HSPG2: variants seen among roughly 807,000 people sequenced by gnomAD.
HSPG2 encodes the protein basement membrane-specific heparan sulfate proteoglycan core protein.
HSPG2 carries 278 observed loss-of-function variants against 526.6 expected under a neutral mutation model. The ratio of observed to expected loss-of-function variants is 0.53; its 90% CI spans 0.48 to 0.58. The LOEUF (loss-of-function observed/expected upper bound fraction) is 0.58, where lower values mean the gene tolerates loss of function less well. Ranked by LOEUF, HSPG2 falls within the 20% of genes least tolerant of loss-of-function variation. The pLI, the probability that HSPG2 is intolerant of heterozygous loss-of-function variation, is 0.00. For missense variants in HSPG2, 5,354 were observed against 6,099.5 expected (o/e 0.88, Z 4.07); for synonymous variants, 2,465 against 2,555.4 (o/e 0.96, Z 1.07).
chr1:21,911,249 T>C (rs1001506598), intron 1 of HSPG2, among the ~76,000 whole-genome samples: 1 of 152,090 alleles, frequency 6.6e-6, no homozygotes, highest in African/African-American at 2.4e-5. Flanking sequence ...CTGTGAAGGA[T>C]GGTGGGAAGA....
Position 21,904,969 on chromosome 1 carries a change from G to C in HSPG2, c.64-8659C>G, listed in dbSNP as rs182048940. Among the ~76,000 whole-genome samples, 6 of 152,310 alleles carry C rather than the reference G, an allele frequency of 3.9e-5. No individual in the cohort carries two copies. The highest frequency in any genetic ancestry group is 7.4e-5 in the Non-Finnish European group (5 of 68,022). On this transcript the variant is annotated intron_variant, in intron 1 of 96. Coordinates refer to ENST00000374695, the MANE Select transcript of HSPG2 (RefSeq NM_005529.7). This position sits in a 1 kb window ranked among gnomAD's most constrained non-coding sequence, Gnocchi z 4.4. ...TTTCATGAATGATGCCCCTTGCACA[G>C]TGCCAGGACTATGGAAGGATGGGCG... is the stretch of plus-strand genomic sequence containing the variant.
In HSPG2 at chr1:21,822,533, T is replaced by C. The variant is rs1572119112; in HGVS notation, c.*783A>G. On this transcript the variant is annotated 3_prime_UTR_variant, in exon 97 of 97. Transcript: ENST00000374695. ...TTGGAGGAGTCCCTGGGCCTTCACT[T>C]CCAGATGGGTGGGGATGTGGCCTGG... 11 of 227,600 alleles carry C rather than the reference T, an allele frequency of 4.8e-5. No homozygotes were observed. The highest frequency in any genetic ancestry group is 2.5e-4 in the East Asian group (2 of 7,944). 14.1% of individuals were successfully genotyped at this position (227,600 alleles called of 1,614,324 possible). A position where few individuals can be genotyped will look rare whatever the true frequency, so the allele number is the denominator to read the frequency against.
intron 71 of HSPG2, 148 bp from the exon 72 acceptor site, chr1:21,840,165 G>C: frequency 1.5e-6 from 1 of 686,708 alleles, no homozygotes; most frequent in Non-Finnish European, 2.5e-6. Context: ...TTGAGACAGG[G>C]TCTTACTCTG....
rs143210045 is a variant in HSPG2, at chr1:21,834,874, C to T, written c.10525G>A (p.Glu3509Lys). Residue 3509 changes from glutamate to lysine, a missense_variant, in exon 77 of 97, where the codon GAA (glutamate) becomes AAA (lysine). Transcript: ENST00000374695. ...TVVVGHAVEFECLALGDPKPQ... is the reference protein window; with the variant it reads ...TVVVGHAVEFKCLALGDPKPQ... ...TTGGGGTCACCCAGTGCCAGGCATT[C>T]GAACTCCACGGCGTGGCCAACCACC... 1.4e-4 allele frequency: 218 copies of T among 1,613,728 alleles called. No homozygotes were observed. The highest frequency in any genetic ancestry group is 2.4e-4 in the African/African-American group (18 of 74,926).
intron 50 of HSPG2, 103 bp from the exon 51 acceptor site, chr1:21,853,173 C>T (rs887941305): frequency 1.3e-5 from 19 of 1,513,522 alleles, no homozygotes; most frequent in African/African-American, 1.2e-4. Flanking sequence ...TGGGGACGGC[C>T]GACAGGTGGC....
intron 1 of HSPG2, among the ~76,000 whole-genome samples, chr1:21,921,801 A>T (rs1035406314): frequency 3.3e-5 from 5 of 152,164 alleles, no homozygotes; most frequent in African/African-American, 1.2e-4. Context: ...GAAAGCTTGG[A>T]CCACCAGCTG....
intron 75 of HSPG2, 28 bp from the exon 76 acceptor site, chr1:21,835,665 G>C: frequency 6.4e-7 from 1 of 1,558,344 alleles, no homozygotes; most frequent in Middle Eastern, 1.7e-4. Flanking sequence ...TAAGACATCA[G>C]GGAGTTGAAA....
chr1:21,919,453 C>T (rs1375784896), intron 1 of HSPG2, among the ~76,000 whole-genome samples: 1 of 149,890 alleles, frequency 6.7e-6, no homozygotes, highest in Non-Finnish European at 1.5e-5. Flanking sequence ...GTCTCAAAAG[C>T]AAGTAATACT....
chr1:21,881,999 C>T (rs532989643), intron 13 of HSPG2, among the ~76,000 whole-genome samples: 8 of 151,586 alleles, frequency 5.3e-5, no homozygotes, highest in African/African-American at 1.9e-4. Context: ...GTTTTTTCCT[C>T]CTTCCCAAAT....
Position 21,874,872 on chromosome 1 carries a change from C to G in HSPG2, c.3414+19G>C. 1 of 1,592,388 alleles carries G rather than the reference C, an allele frequency of 6.3e-7. No homozygotes were observed. The highest frequency in any genetic ancestry group is 8.6e-7 in the Non-Finnish European group (1 of 1,164,064). On this transcript the variant is annotated intron_variant, in intron 26 of 96. Coordinates refer to ENST00000374695, the MANE Select transcript of HSPG2 (RefSeq NM_005529.7). ...CCATGGAGGGGGCTGGCTGGGCTGG[C>G]GTGGGGCCCAGGACTCACCTGGCAG... is the stretch of plus-strand genomic sequence containing the variant.
At chr1:21,903,286 A>G (rs936356681) in intron 1 of HSPG2, among the ~76,000 whole-genome samples, 2 of 152,134 alleles carry the variant, frequency 1.3e-5, no homozygotes, top group East Asian at 1.9e-4. Context: ...CCCTCCAAGA[A>G]TTAGTTCTCT....
intron 1 of HSPG2, among the ~76,000 whole-genome samples, chr1:21,923,355 G>A (rs1305335601): frequency 1.3e-4 from 19 of 151,960 alleles, no homozygotes; most frequent in Admixed American, 1.2e-3. Flanking sequence ...GCAGTGAGCC[G>A]AGATCATGCC....
intron 17 of HSPG2, 79 bp downstream of exon 17, chr1:21,880,028 T>C (rs1459002914): frequency 1.3e-6 from 2 of 1,523,212 alleles, no homozygotes; most frequent in Non-Finnish European, 1.8e-6. Flanking sequence ...AGGCTTGTGC[T>C]GAGCTCATGA....
Position 21,890,788 on chromosome 1 carries a change from C to T in HSPG2, c.245-94G>A. The T allele has an allele frequency of 1.1e-6, 1 of 881,768 alleles. No homozygotes were observed. Among genetic ancestry groups the T allele is most frequent in the East Asian group, 2.5e-5 (1 of 39,654 alleles). The allele number at this position is 881,768 out of a possible 1,614,324, so 54.6% of individuals were successfully genotyped here. A position where few individuals can be genotyped will look rare whatever the true frequency, so the allele number is the denominator to read the frequency against. ...CATTCAGGCAGAGTTGGGGGGATGG[C>T]CCCCAGAGGCCTCCCTCGAGGCTGA... On this transcript the variant is annotated intron_variant, in intron 3 of 96. Transcript: ENST00000374695. This position sits in a 1 kb window ranked among gnomAD's most constrained non-coding sequence, Gnocchi z 4.1.
rs114647683 is a variant in HSPG2, at chr1:21,854,127, G to A, written c.6439+66C>T. Reference sequence around the variant, plus strand: ...CCCCTGTCCTGGTCCCACTGAAGAAGCCACAGGCATCTTCCTTGGGAGCTC... The same window carrying A: ...CCCCTGTCCTGGTCCCACTGAAGAAACCACAGGCATCTTCCTTGGGAGCTC... On this transcript the variant is annotated intron_variant, in intron 50 of 96. Transcript: ENST00000374695. 428 of 1,491,700 alleles carry A rather than the reference G, an allele frequency of 2.9e-4. 1 individual carries two copies. The African/African-American group carries it at 5.4e-3, about 19-fold the overall frequency. The allele number at this position is 1,491,700 out of a possible 1,614,324, so 92.4% of individuals were successfully genotyped here.
chr1:21,884,427 C>T lies in HSPG2; in HGVS notation c.1654+101G>A, dbSNP rs1223009300. On this transcript the variant is annotated intron_variant, in intron 13 of 96. Coordinates refer to ENST00000374695, the MANE Select transcript of HSPG2 (RefSeq NM_005529.7). ...TTCTTCAGCGACTCACATTCCTTCC[C>T]GAAACCTGGCCCCCTCTGTCCGCAT... 41 of 1,501,332 alleles carry T rather than the reference C, an allele frequency of 2.7e-5. 1 individual carries two copies. The South Asian group carries it at 3.4e-4, about 12-fold the overall frequency. 93.0% of individuals were successfully genotyped at this position (1,501,332 alleles called of 1,614,324 possible).
At chr1:21,909,064 C>T (rs186461753) in intron 1 of HSPG2, among the ~76,000 whole-genome samples, 8 of 152,216 alleles carry the variant, frequency 5.3e-5, no homozygotes, top group Admixed American at 1.3e-4. Context: ...GCCAAGATGG[C>T]GCCATTGCAC....
chr1:21,902,166 C>A (rs1643136596), intron 1 of HSPG2, among the ~76,000 whole-genome samples: 1 of 152,156 alleles, frequency 6.6e-6, no homozygotes, highest in African/African-American at 2.4e-5. Context: ...GAGCCCGACA[C>A]AAAGGCCAAA....
At position 21,880,271 on chromosome 1, in the gene HSPG2, A is replaced by G. The variant is rs773157322; in HGVS notation, c.2196-17T>C. ...ATGGGGCATCTGTGGGGACAGGACC[A>G]AAAGAGTCGCTGCAAGGACGGTGAG... On this transcript the variant is annotated splice_polypyrimidine_tract_variant and intron_variant, in intron 16 of 96. Transcript: ENST00000374695. 1 of 1,614,096 alleles carries G rather than the reference A, an allele frequency of 6.2e-7. No individual in the cohort carries two copies. The highest frequency in any genetic ancestry group is 1.1e-5 in the South Asian group (1 of 91,088).
Sources: allele counts gnomAD v4.1 joint callset (sites outside exome capture counted in the v4.1 genomes callset), GRCh38; gene constraint gnomAD v4.1.1; non-coding constraint Gnocchi (gnomAD v3.1); transcripts MANE v1.5; gene names NCBI Gene and HGNC (gene_info 2026-07-23, HGNC 2026-07-21).